The following ABCB1 variants were observed in gnomAD, a reference collection of about 807,000 sequenced individuals.
The protein encoded by ABCB1 is ATP binding cassette subfamily B member 1.
Under a neutral mutation model 142.0 loss-of-function variants are expected in ABCB1, and 69 were observed. The ratio of observed to expected loss-of-function variants is 0.49; its 90% confidence interval spans 0.40 to 0.59. The LOEUF is 0.59. Among genes scored for constraint, ABCB1 ranks in the 20% least tolerant of loss-of-function variants. The probability of loss-of-function intolerance (pLI) is 0.00; values close to 1 mark genes in which losing one functional copy is unlikely to be tolerated. For missense variants in ABCB1, 1,326 were observed against 1,554.7 expected (o/e 0.85, Z 2.47); for synonymous variants, 532 against 539.2 (o/e 0.99, Z 0.18).
At chr7:87,554,668 T>A (rs982764376) in intron 8 of ABCB1, among the ~76,000 whole-genome samples, 9 of 152,230 alleles carry the variant, frequency 5.9e-5, no homozygotes, top group Admixed American at 4.6e-4. Flanking sequence ...TGTCCTTCCC[T>A]CTATTAATGC....
chr7:87,634,541 A>G (rs996313982), intron 1 of ABCB1, among the ~76,000 whole-genome samples: 4 of 150,896 alleles, frequency 2.7e-5, no homozygotes, highest in African/African-American at 9.8e-5. Flanking sequence ...AGACAGGAGA[A>G]TCACTTGAAC....
At chr7:87,600,290 G>A in intron 1 of ABCB1, 100 bp from the exon 2 acceptor site, 2 of 984,126 alleles carry the variant, frequency 2.0e-6, no homozygotes, top group African/African-American at 1.6e-5. Context: ...AGAGCAGTAA[G>A]AGGGAGCGCC....
chr7:87,675,422 T>G (rs1229000763), intron 1 of ABCB1, among the ~76,000 whole-genome samples: 1 of 152,130 alleles, frequency 6.6e-6, no homozygotes, highest in Non-Finnish European at 1.5e-5. Flanking sequence ...GAAACAAAGC[T>G]GAAGGCATTA....
At chr7:87,518,877 T>C (rs1815364806) in intron 23 of ABCB1, 1 of 164,876 alleles carries the variant, frequency 6.1e-6, no homozygotes, top group African/African-American at 2.4e-5. Context: ...CATTTGGCTC[T>C]TACCTTCCAA....
chr7:87,552,289 G>A lies in ABCB1; in HGVS notation c.1000-1451C>T, dbSNP rs1030873016. Among the ~76,000 whole-genome samples, 7 of 152,148 alleles carry A rather than the reference G, an allele frequency of 4.6e-5. No individual in the cohort carries two copies. The East Asian group carries it at 9.7e-4, about 21-fold the overall frequency. On this transcript the variant is annotated intron_variant, in intron 9 of 27. Transcript: ENST00000622132. ...TTTCTAAATCACATGGAATTATATT[G>A]CTCAATAATTTACACAGAAGGAACT...
At chr7:87,664,039 A>T (rs1824982335) in intron 1 of ABCB1, among the ~76,000 whole-genome samples, 1 of 152,212 alleles carries the variant, frequency 6.6e-6, no homozygotes, top group Non-Finnish European at 1.5e-5. Context: ...TTTTGGAGGC[A>T]TGCAATTCAT....
At chr7:87,558,682 T>C (rs6952359) in intron 8 of ABCB1, among the ~76,000 whole-genome samples, 3 of 152,120 alleles carry the variant, frequency 2.0e-5, no homozygotes, top group African/African-American at 7.2e-5. Flanking sequence ...TCATTCATTA[T>C]TTTAAGTGTT....
intron 8 of ABCB1, among the ~76,000 whole-genome samples, chr7:87,556,640 G>A (rs1817323550): frequency 6.6e-6 from 1 of 152,306 alleles, no homozygotes; most frequent in South Asian, 2.1e-4. Flanking sequence ...TCAGGGAGAT[G>A]CTCTGGCCTG....
At chr7:87,579,537 C>G (rs928162473) in intron 4 of ABCB1, among the ~76,000 whole-genome samples, 1 of 152,092 alleles carries the variant, frequency 6.6e-6, no homozygotes. Flanking sequence ...GATGAACAAT[C>G]CTTGCATCCC....
chr7:87,630,792 A>T (rs557390514), intron 1 of ABCB1, among the ~76,000 whole-genome samples: 153 of 150,358 alleles, frequency 1.0e-3, no homozygotes, highest in African/African-American at 3.6e-3. Flanking sequence ...TTGCTTCTCC[A>T]TTTTTGTCTT....
intron 1 of ABCB1, among the ~76,000 whole-genome samples, chr7:87,697,623 G>T (rs1828605612): frequency 1.3e-5 from 2 of 152,140 alleles, no homozygotes; most frequent in Admixed American, 1.3e-4. Context: ...GGAGAGCTTG[G>T]TCCCTGTAAC....
At chr7:87,661,245 T>C (rs886586314) in intron 1 of ABCB1, among the ~76,000 whole-genome samples, 2 of 151,960 alleles carry the variant, frequency 1.3e-5, no homozygotes, top group African/African-American at 4.8e-5. Context: ...CAAGCATTCA[T>C]TTTTTTGCAT....
At chr7:87,653,286 C>T (rs941158763) in intron 1 of ABCB1, among the ~76,000 whole-genome samples, 2 of 152,036 alleles carry the variant, frequency 1.3e-5, no homozygotes, top group African/African-American at 2.4e-5. Context: ...CCCTACCACT[C>T]TAATAAAAGC....
chr7:87,661,602 A>ATT (rs1824723481), intron 1 of ABCB1, among the ~76,000 whole-genome samples: 3 of 151,830 alleles, frequency 2.0e-5, no homozygotes, highest in South Asian at 4.2e-4. Context: ...ATAGGATCTC[A>ATT]TTTTTTTATG....
At chr7:87,685,471 T>G (rs909962009) in intron 1 of ABCB1, among the ~76,000 whole-genome samples, 1 of 152,124 alleles carries the variant, frequency 6.6e-6, no homozygotes, top group Admixed American at 6.6e-5. Context: ...GATAAACTGT[T>G]GTATGTTCAT....
chr7:87,505,371 C>T (rs141793939), intron 27 of ABCB1, among the ~76,000 whole-genome samples: 1 of 152,274 alleles, frequency 6.6e-6, no homozygotes, highest in African/African-American at 2.4e-5. Context: ...GATGTTACAA[C>T]ATCCTTGAAA....
In ABCB1 at chr7:87,516,731, C is replaced by CTTTTTTTTTT. The variant is rs546527484; in HGVS notation, c.2928-76_2928-67dup. 137 of 806,356 alleles carry CTTTTTTTTTT rather than the reference C, an allele frequency of 1.7e-4. 2 individuals are homozygous for CTTTTTTTTTT. The highest frequency in any genetic ancestry group is 1.1e-3 in the African/African-American group (33 of 30,424). 50.0% of individuals were successfully genotyped at this position (806,356 alleles called of 1,614,324 possible). On this transcript the variant is annotated intron_variant, in intron 23 of 27. Coordinates refer to ENST00000622132, the MANE Select transcript of ABCB1 (RefSeq NM_001348946.2). ...TCACAATGCTAGAAAGCTGACACTCCTTTTTTTTTTTTTTTTTTTTTTTGA... is the reference window on the plus strand; with the variant it reads ...TCACAATGCTAGAAAGCTGACACTCCTTTTTTTTTTTTTTTTTTTTTTTTTTTTTTTTTGA...
chr7:87,505,936 C>T lies in ABCB1; in HGVS notation c.3597G>A (p.Leu1199=). The change falls in exon 27 of 28, where the codon TTG becomes TTA. Residue 1199 remains leucine (L), a synonymous_variant. Coordinates refer to ENST00000622132, the MANE Select transcript of ABCB1 (RefSeq NM_001348946.2). ...TATCCAGAGCTGACGTGGCTTCATC[C>T]AAAAGCAAAATATGAGGCTGTCTAA... is the stretch of plus-strand genomic sequence containing the variant. ...ALVRQPHILL[L]DEATSALDTE... is the part of the protein sequence containing the mutation. 6.2e-7 allele frequency: 1 copy of T among 1,614,098 alleles called. No individual in the cohort carries two copies. The highest frequency in any genetic ancestry group is 8.5e-7 in the Non-Finnish European group (1 of 1,180,026).
chr7:87,565,706 G>A (rs1817755986), intron 7 of ABCB1, among the ~76,000 whole-genome samples: 1 of 151,232 alleles, frequency 6.6e-6, no homozygotes, highest in Admixed American at 6.6e-5. Flanking sequence ...CTTGCCGTGT[G>A]AATGGGGCAT....
Sources: allele counts gnomAD v4.1 joint callset (sites outside exome capture counted in the v4.1 genomes callset), GRCh38; gene constraint gnomAD v4.1.1; transcripts MANE v1.5; gene names NCBI Gene and HGNC (gene_info 2026-07-23, HGNC 2026-07-21).